COG5: variants seen among roughly 807,000 people sequenced by gnomAD.
The protein encoded by COG5 is conserved oligomeric Golgi complex subunit 5.
A neutral mutation model predicts 110.4 loss-of-function variants in COG5; 86 were observed. The ratio of observed to expected loss-of-function variants is 0.78; its 90% CI spans 0.65 to 0.93. The LOEUF (loss-of-function observed/expected upper bound fraction) is 0.93. Among genes scored for constraint, COG5 ranks in the 40% least tolerant of loss-of-function variants. COG5 has a pLI of 0.00. For synonymous variants in COG5, 360 were observed against 334.6 expected (o/e 1.08, Z -0.83); for missense variants, 1,077 against 987.0 (o/e 1.09, Z -1.22).
chr7:107,549,076 C>A (rs1036005467), intron 3 of COG5: 1 of 152,340 alleles, frequency 6.6e-6, no homozygotes, highest in Non-Finnish European at 1.5e-5. Context: ...TATCAGCATA[C>A]AAGTATACAA....
chr7:107,504,036 G>A (rs1798808491), intron 6 of COG5, among the ~76,000 whole-genome samples: 1 of 152,080 alleles, frequency 6.6e-6, no homozygotes, highest in Admixed American at 6.6e-5. Flanking sequence ...GTACTATGTT[G>A]AATAGAAGTG....
chr7:107,302,354 G>A (rs1472883359), intron 11 of COG5, among the ~76,000 whole-genome samples: 2 of 152,128 alleles, frequency 1.3e-5, no homozygotes, highest in East Asian at 1.9e-4. Flanking sequence ...GCAGATCAGT[G>A]TTTGCCTGGG....
At chr7:107,494,377 A>G (rs1160374247) in intron 6 of COG5, among the ~76,000 whole-genome samples, 1 of 152,174 alleles carries the variant, frequency 6.6e-6, no homozygotes, top group East Asian at 1.9e-4. Context: ...GTGCCACATA[A>G]TGATGTTTTA....
At chr7:107,234,960 A>G (rs1801063698) in intron 18 of COG5, among the ~76,000 whole-genome samples, 2 of 152,232 alleles carry the variant, frequency 1.3e-5, no homozygotes, top group South Asian at 4.1e-4. Flanking sequence ...TAAAATGTAA[A>G]AGGTAAAAAG....
intron 6 of COG5, among the ~76,000 whole-genome samples, chr7:107,498,729 G>A (rs1448011523): frequency 6.6e-6 from 1 of 152,110 alleles, no homozygotes; most frequent in African/African-American, 2.4e-5. Flanking sequence ...ATAGAAAATA[G>A]TATGGTGATT....
At chr7:107,313,137 G>A (rs1808429013) in intron 11 of COG5, among the ~76,000 whole-genome samples, 1 of 152,218 alleles carries the variant, frequency 6.6e-6, no homozygotes, top group Admixed American at 6.5e-5. Context: ...GAGGTGGGAA[G>A]TCTGTGAATC....
chr7:107,305,498 A>G (rs1807638174), intron 11 of COG5, among the ~76,000 whole-genome samples: 2 of 152,156 alleles, frequency 1.3e-5, no homozygotes, highest in African/African-American at 2.4e-5. Context: ...ACAACTTGCC[A>G]TAAACATTAA....
chr7:107,238,035 T>A (rs911967717), intron 17 of COG5, among the ~76,000 whole-genome samples: 1 of 152,204 alleles, frequency 6.6e-6, no homozygotes, highest in Non-Finnish European at 1.5e-5. Context: ...TACACAGTAA[T>A]GTTATATGTA....
Position 107,560,065 on chromosome 7 carries a change from A to T in COG5, c.95-1950T>A, listed in dbSNP as rs536518047. ...TATAGAGGATGATGGAAAAAGGATT[A>T]GTCACACAGCAATGTGCTGAAGTTG... On this transcript the variant is annotated intron_variant, in intron 1 of 21. Transcript: ENST00000297135. Among the ~76,000 whole-genome samples, 78 of 152,380 alleles carry T rather than the reference A, an allele frequency of 5.1e-4. 1 individual carries two copies. Among genetic ancestry groups the T allele is most frequent in the Admixed American group, 1.2e-3 (19 of 15,310 alleles).
intron 6 of COG5, among the ~76,000 whole-genome samples, chr7:107,507,475 T>G (rs1468782118): frequency 7.4e-5 from 11 of 148,786 alleles, no homozygotes; most frequent in Non-Finnish European, 1.5e-4. Context: ...TTGTATTTTT[T>G]TTTTTTTTTT....
chr7:107,464,456 T>G (rs1796180263), intron 6 of COG5, among the ~76,000 whole-genome samples: 1 of 152,162 alleles, frequency 6.6e-6, no homozygotes, highest in Admixed American at 6.6e-5. Context: ...AAAAATTCAT[T>G]AACAGGCAGG....
intron 10 of COG5, among the ~76,000 whole-genome samples, chr7:107,356,056 C>T (rs1264813149): frequency 6.6e-6 from 1 of 151,976 alleles, no homozygotes; most frequent in East Asian, 1.9e-4. Flanking sequence ...TAAAGCTGCC[C>T]TAAAATCAAA....
chr7:107,230,663 C>T lies in COG5; in HGVS notation c.2120G>A (p.Arg707Lys), dbSNP rs1028993930. 1.9e-6 allele frequency: 3 copies of T among 1,613,140 alleles called. No individual in the cohort carries two copies. Among genetic ancestry groups the T allele is most frequent in the Non-Finnish European group, 2.5e-6 (3 of 1,179,290 alleles). Residue 707 changes from arginine (R) to lysine (K), a missense_variant, in exon 19 of 22, where the codon AGA (arginine) becomes AAA (lysine). Coordinates refer to ENST00000297135, the MANE Select transcript of COG5 (RefSeq NM_006348.5). ...QMELAVGPFC[R>K]RVSDLGKSYR... ...GGACTTTCCTAAATCAGATACTCGT[C>T]TACAGAATGGACCCACAGCCAACTC...
chr7:107,480,848 A>T (rs1797298419), intron 6 of COG5: 1 of 152,230 alleles, frequency 6.6e-6, no homozygotes, highest in Non-Finnish European at 1.5e-5. Flanking sequence ...ATAACTTTTA[A>T]GAAATACTCA....
intron 3 of COG5, among the ~76,000 whole-genome samples, chr7:107,551,475 T>C (rs959326928): frequency 1.3e-5 from 2 of 152,218 alleles, no homozygotes; most frequent in Non-Finnish European, 2.9e-5. Flanking sequence ...TTTAGGAGAA[T>C]AAAGCAGATG....
Position 107,203,329 on chromosome 7 carries a change from G to A in COG5, c.*187C>T. 1.6e-6 allele frequency: 1 copy of A among 606,354 alleles called. No individual in the cohort carries two copies. Among genetic ancestry groups the A allele is most frequent in the African/African-American group, 1.8e-5 (1 of 54,232 alleles). The allele number at this position is 606,354 out of a possible 1,614,324, so 37.6% of individuals were successfully genotyped here. A position where few individuals can be genotyped will look rare whatever the true frequency, so the allele number is the denominator to read the frequency against. ...ATCAGGTCCATGGAATTGAAAGGTG[G>A]TGATAACTCAACATTTTTTATGCTA... On this transcript the variant is annotated 3_prime_UTR_variant, in exon 22 of 22. Coordinates refer to ENST00000297135, the MANE Select transcript of COG5 (RefSeq NM_006348.5).
At chr7:107,433,751 G>A (rs987137471) in intron 6 of COG5, among the ~76,000 whole-genome samples, 1 of 152,072 alleles carries the variant, frequency 6.6e-6, no homozygotes, top group Non-Finnish European at 1.5e-5. Context: ...AAATTTCATG[G>A]CATTGAATCT....
At chr7:107,518,888 A>C (rs1467526798) in intron 6 of COG5, among the ~76,000 whole-genome samples, 1 of 152,248 alleles carries the variant, frequency 6.6e-6, no homozygotes, top group Non-Finnish European at 1.5e-5. Context: ...AGTTATTCTA[A>C]AATCAACCTC....
At chr7:107,312,969 G>A (rs1186917061) in intron 11 of COG5, among the ~76,000 whole-genome samples, 1 of 152,180 alleles carries the variant, frequency 6.6e-6, no homozygotes, top group Non-Finnish European at 1.5e-5. Context: ...GATTGTGAGG[G>A]AAGCCAGGGA....
Sources: allele counts gnomAD v4.1 joint callset (sites outside exome capture counted in the v4.1 genomes callset), GRCh38; gene constraint gnomAD v4.1.1; transcripts MANE v1.5; gene names NCBI Gene and HGNC (gene_info 2026-07-23, HGNC 2026-07-21).